Variants in CATSPERB observed in about 807,000 individuals in gnomAD.
The protein encoded by CATSPERB is cation channel sperm-associated auxiliary subunit beta.
A neutral mutation model predicts 128.3 loss-of-function variants in CATSPERB; 93 were observed. The observed-to-expected ratio is 0.72, with a 90% CI of 0.61 to 0.86. The LOEUF is 0.86. Ranked by LOEUF, CATSPERB falls within the 40% of genes least tolerant of loss-of-function variation. CATSPERB has a pLI of 0.00. For missense variants in CATSPERB, 1,153 were observed against 1,329.5 expected, an observed-to-expected ratio of 0.87 and a Z score of 2.06; for synonymous variants, 381 against 448.8, an observed-to-expected ratio of 0.85 and a Z score of 1.91.
chr14:91,583,254 C>T (rs1249135586), intron 26 of CATSPERB, among the ~76,000 whole-genome samples: 1 of 152,064 alleles, frequency 6.6e-6, no homozygotes, highest in East Asian at 1.9e-4. Context: ...CCATCTCTAC[C>T]TAAAATACAA....
At chr14:91,668,764 C>G (rs141458154) in intron 14 of CATSPERB, among the ~76,000 whole-genome samples, 1 of 152,192 alleles carries the variant, frequency 6.6e-6, no homozygotes, top group South Asian at 2.1e-4. Context: ...CTGTAACACT[C>G]ACTGCGAAGG....
At chr14:91,690,028 G>A (rs1196224406) in intron 10 of CATSPERB, among the ~76,000 whole-genome samples, 5 of 151,998 alleles carry the variant, frequency 3.3e-5, no homozygotes, top group East Asian at 3.9e-4. Flanking sequence ...AGTCTAGCTC[G>A]GTCACCCAGA....
intron 15 of CATSPERB, among the ~76,000 whole-genome samples, chr14:91,639,710 A>C (rs1190021097): frequency 3.9e-5 from 6 of 152,224 alleles, no homozygotes; most frequent in African/African-American, 1.4e-4. Context: ...TTAGGGCGCC[A>C]CGTTGAGAGG....
At chr14:91,724,941 T>G (rs1398717958) in intron 3 of CATSPERB, 139 bp downstream of exon 3, 2 of 393,188 alleles carry the variant, frequency 5.1e-6, no homozygotes, top group Non-Finnish European at 9.0e-6. Flanking sequence ...ATAGAAAAAA[T>G]TATTATTTAT....
chr14:91,713,506 T>C (rs996836136), intron 5 of CATSPERB, among the ~76,000 whole-genome samples: 1 of 152,306 alleles, frequency 6.6e-6, no homozygotes, highest in African/African-American at 2.4e-5. Flanking sequence ...ACAGACACTA[T>C]AGATATTCTA....
chr14:91,700,742 C>T (rs1022193115), intron 7 of CATSPERB, among the ~76,000 whole-genome samples: 3 of 152,032 alleles, frequency 2.0e-5, no homozygotes, highest in African/African-American at 7.2e-5. Flanking sequence ...AACCAAATAC[C>T]ATATGTTCTC....
intron 22 of CATSPERB, among the ~76,000 whole-genome samples, chr14:91,594,863 T>C (rs1893476169): frequency 6.6e-6 from 1 of 152,242 alleles, no homozygotes; most frequent in Non-Finnish European, 1.5e-5. Flanking sequence ...AGGTTGTAGT[T>C]ATTTTCTCCT....
At chr14:91,714,277 C>CAAAAAAAAAAAAAA (rs35951126) in intron 5 of CATSPERB, among the ~76,000 whole-genome samples, 19 of 111,262 alleles carry the variant, frequency 1.7e-4, no homozygotes, top group Non-Finnish European at 2.5e-4. Flanking sequence ...TACAATAAGG[C>CAAAAAAAAAAAAAA]AAAAAAAAAA....
chr14:91,696,886 C>T (rs1158702677), intron 7 of CATSPERB, among the ~76,000 whole-genome samples: 1 of 152,102 alleles, frequency 6.6e-6, no homozygotes, highest in Non-Finnish European at 1.5e-5. Context: ...CATACAAATG[C>T]AGGTATGATG....
rs764935077 is a variant in CATSPERB, at chr14:91,608,424, G to A, written c.2599-20C>T. ...GTTTATCTGCAAGTGATTAAACAAA[G>A]AAAATGTACAATTCATTATTATGAA... On this transcript the variant is annotated intron_variant, in intron 21 of 26. Coordinates refer to ENST00000256343, the MANE Select transcript of CATSPERB (RefSeq NM_024764.4). The A allele has an allele frequency of 7.8e-7, 1 of 1,279,906 alleles. No individual in the cohort carries two copies. Among genetic ancestry groups the A allele is most frequent in the South Asian group, 1.2e-5 (1 of 81,284 alleles). The allele number at this position is 1,279,906 out of a possible 1,614,324, so 79.3% of individuals were successfully genotyped here. A position where few individuals can be genotyped will look rare whatever the true frequency, so the allele number is the denominator to read the frequency against.
intron 22 of CATSPERB, 49 bp downstream of exon 22, chr14:91,608,244 AT>A (rs1384366975): frequency 1.8e-6 from 2 of 1,141,098 alleles, no homozygotes; most frequent in Non-Finnish European, 2.6e-6. Context: ...TTACTGAATG[AT>A]TTCCTGAATT....
intron 20 of CATSPERB, 118 bp from the exon 21 acceptor site, chr14:91,610,795 T>A: frequency 1.1e-6 from 1 of 949,224 alleles, no homozygotes; most frequent in Non-Finnish European, 1.6e-6. Flanking sequence ...GTGGCTGTAT[T>A]TGGAGATAGG....
Position 91,704,724 on chromosome 14 carries a change from T to C in CATSPERB, c.467-23A>G. 1.9e-6 allele frequency: 3 copies of C among 1,604,636 alleles called. No individual in the cohort carries two copies. In the East Asian group the frequency reaches 6.7e-5, roughly 36 times the overall value. On this transcript the variant is annotated intron_variant, in intron 6 of 26. Coordinates refer to ENST00000256343, the MANE Select transcript of CATSPERB (RefSeq NM_024764.4). ...GTTCTGTGGAAATCAAATTTGGGTG[T>C]TTAAATTGTGGGAGCACCCTTGAAA...
At chr14:91,623,878 A>G (rs1191194388) in intron 18 of CATSPERB, among the ~76,000 whole-genome samples, 14 of 152,356 alleles carry the variant, frequency 9.2e-5, no homozygotes. Context: ...AACATCCTAT[A>G]GAACATTGAT....
At chr14:91,641,234 A>T (rs1894493658) in intron 15 of CATSPERB, among the ~76,000 whole-genome samples, 2 of 150,114 alleles carry the variant, frequency 1.3e-5, no homozygotes, top group Admixed American at 1.3e-4. Flanking sequence ...GAAGCTCTTT[A>T]GTTTAATTAG....
At chr14:91,637,036 G>C (rs1206486252) in intron 16 of CATSPERB, among the ~76,000 whole-genome samples, 1 of 152,234 alleles carries the variant, frequency 6.6e-6, no homozygotes, top group Non-Finnish European at 1.5e-5. Flanking sequence ...AGCATAAGCT[G>C]TTCTCCTTTC....
intron 15 of CATSPERB, among the ~76,000 whole-genome samples, chr14:91,656,261 T>C (rs894302394): frequency 5.3e-5 from 8 of 152,130 alleles, no homozygotes; most frequent in Non-Finnish European, 1.2e-4. Flanking sequence ...TCACTGGTCA[T>C]AGTAAGTACA....
chr14:91,595,457 G>A (rs1035864353), intron 22 of CATSPERB, among the ~76,000 whole-genome samples: 4 of 152,080 alleles, frequency 2.6e-5, no homozygotes, highest in South Asian at 2.1e-4. Flanking sequence ...ATGAGCCACC[G>A]CACCCAGCCC....
At chr14:91,613,225 C>T (rs1024440017) in intron 20 of CATSPERB, among the ~76,000 whole-genome samples, 1 of 151,818 alleles carries the variant, frequency 6.6e-6, no homozygotes, top group African/African-American at 2.4e-5. Flanking sequence ...ACAAACAAAA[C>T]AAATTAAATA....
Sources: gnomAD v4.1 joint callset for allele counts (sites outside exome capture counted in the v4.1 genomes callset) on GRCh38, gnomAD v4.1.1 for gene constraint, MANE v1.5 for transcripts, NCBI Gene and HGNC (gene_info 2026-07-23, HGNC 2026-07-21) for gene names.